CRIM1: variants seen among roughly 807,000 people sequenced by gnomAD.
The protein encoded by CRIM1 is cysteine-rich motor neuron 1 protein.
In CRIM1, 32 loss-of-function variants were observed where a neutral mutation model predicts 116.4. That is an observed-to-expected ratio of 0.27 (90% CI 0.21 to 0.37). The LOEUF is 0.37. Among genes scored for constraint, CRIM1 ranks in the 10% least tolerant of loss-of-function variants. CRIM1 has a pLI of 1.00. For synonymous variants in CRIM1, 590 were observed against 509.2 expected, an observed-to-expected ratio of 1.16 and a Z score of -2.13; for missense variants, 1,331 against 1,354.8, an observed-to-expected ratio of 0.98 and a Z score of 0.28.
At chr2:36,533,068 C>T (rs928037010) in intron 13 of CRIM1, among the ~76,000 whole-genome samples, 1 of 152,216 alleles carries the variant, frequency 6.6e-6, no homozygotes, top group Admixed American at 6.5e-5. Context: ...CTACATCCCT[C>T]TTCAGGCTGA....
chr2:36,541,713 C>T (rs929116008), intron 14 of CRIM1, among the ~76,000 whole-genome samples: 13 of 152,166 alleles, frequency 8.5e-5, no homozygotes, highest in Admixed American at 7.2e-4. Flanking sequence ...AGCACAGGAG[C>T]GATTGTGACC....
intron 5 of CRIM1, among the ~76,000 whole-genome samples, chr2:36,470,850 A>G (rs1678448388): frequency 6.6e-6 from 1 of 152,150 alleles, no homozygotes; most frequent in Non-Finnish European, 1.5e-5. Flanking sequence ...ATCAGAACTA[A>G]ATCAATTGAA....
chr2:36,398,357 T>A (rs1426545959), intron 2 of CRIM1, among the ~76,000 whole-genome samples: 1 of 152,152 alleles, frequency 6.6e-6, no homozygotes, highest in Non-Finnish European at 1.5e-5. Context: ...TGCAGCAGAT[T>A]TTGAATCTAA....
chr2:36,426,487 T>G (rs1415262008), intron 2 of CRIM1, among the ~76,000 whole-genome samples: 1 of 152,190 alleles, frequency 6.6e-6, no homozygotes, highest in African/African-American at 2.4e-5. Context: ...GCTATAGGAT[T>G]CCCTTAGCCT....
At chr2:36,476,460 C>T (rs947421210) in intron 5 of CRIM1, among the ~76,000 whole-genome samples, 2 of 152,140 alleles carry the variant, frequency 1.3e-5, no homozygotes, top group African/African-American at 4.8e-5. Context: ...GGGAACAGAA[C>T]ATCACCACTT....
intron 7 of CRIM1, among the ~76,000 whole-genome samples, chr2:36,485,131 T>C (rs1423712570): frequency 1.3e-5 from 2 of 152,220 alleles, no homozygotes; most frequent in East Asian, 3.8e-4. Flanking sequence ...GACTTAACTC[T>C]TGAAGTAGAG....
intron 13 of CRIM1, chr2:36,531,840 G>A (rs1461730133): frequency 6.5e-6 from 3 of 464,504 alleles, no homozygotes; most frequent in East Asian, 1.4e-4. Flanking sequence ...AATCATATGT[G>A]ATGCAAGATA....
chr2:36,357,540 C>T (rs1668934363), intron 1 of CRIM1, among the ~76,000 whole-genome samples: 2 of 152,130 alleles, frequency 1.3e-5, no homozygotes. Context: ...TGGCTTTAAT[C>T]CCTGCCCGCT....
intron 13 of CRIM1, among the ~76,000 whole-genome samples, chr2:36,530,663 A>C (rs2125149832): frequency 6.6e-6 from 1 of 152,304 alleles, no homozygotes; most frequent in African/African-American, 2.4e-5. Flanking sequence ...TGTCATTGGT[A>C]ATACTTGGCT....
chr2:36,386,896 A>G (rs1671206816), intron 1 of CRIM1, among the ~76,000 whole-genome samples: 1 of 152,204 alleles, frequency 6.6e-6, no homozygotes, highest in Non-Finnish European at 1.5e-5. Context: ...CTTTCTAGGC[A>G]GAGAGAACAG....
rs1282189539 is a variant in CRIM1 at position 36,356,382 on chromosome 2, C to T, written c.90C>T (p.Ser30=). ...LLGLLLLLAR[S]GTRALVCLPC... ...GGCTGCTGCTGCTGCTGGCGCGCTC[C>T]GGCACCCGGGCGCTGGTCTGCCTGC... is the stretch of plus-strand genomic sequence containing the variant. The change falls in exon 1 of 17, where the codon TCC becomes TCT. Residue 30 remains serine, a synonymous_variant. Coordinates refer to ENST00000280527, the MANE Select transcript of CRIM1 (RefSeq NM_016441.3). This position sits in a 1 kb window ranked among gnomAD's most constrained non-coding sequence, Gnocchi z 4.3. 4.4e-6 allele frequency: 7 copies of T among 1,598,058 alleles called. No homozygotes were observed. The East Asian group carries it at 9.0e-5, about 21-fold the overall frequency.
At chr2:36,390,844 C>T (rs1012553116) in intron 1 of CRIM1, among the ~76,000 whole-genome samples, 1 of 152,104 alleles carries the variant, frequency 6.6e-6, no homozygotes, top group East Asian at 1.9e-4. Context: ...GAGTCTTGCT[C>T]TGTCGCCCAG....
chr2:36,477,858 G>A (rs562725532), intron 6 of CRIM1, among the ~76,000 whole-genome samples: 2 of 152,338 alleles, frequency 1.3e-5, no homozygotes, highest in Non-Finnish European at 1.5e-5. Context: ...TCACTTGCCT[G>A]TAAAGTCACT....
chr2:36,469,794 T>A (rs1463743479), intron 5 of CRIM1, among the ~76,000 whole-genome samples: 8 of 152,186 alleles, frequency 5.3e-5, no homozygotes, highest in African/African-American at 1.4e-4. Flanking sequence ...ACTCAGTATG[T>A]GTTTATTGAG....
chr2:36,374,940 G>A (rs913942007), intron 1 of CRIM1, among the ~76,000 whole-genome samples: 4 of 151,330 alleles, frequency 2.6e-5, no homozygotes, highest in African/African-American at 7.3e-5. Context: ...GTTAACTAAC[G>A]ATTTGTAGGT....
intron 7 of CRIM1, among the ~76,000 whole-genome samples, chr2:36,495,657 TTTAA>T (rs1680538151): frequency 1.3e-5 from 2 of 152,026 alleles, no homozygotes; most frequent in Admixed American, 6.6e-5. Context: ...TTTGAAATGC[TTTAA>T]TTGAGAACAG....
At chr2:36,464,830 T>C (rs904245423) in intron 5 of CRIM1, among the ~76,000 whole-genome samples, 175 bp downstream of exon 5, 1 of 152,140 alleles carries the variant, frequency 6.6e-6, no homozygotes, top group Non-Finnish European at 1.5e-5. Context: ...AAAGTTAGGT[T>C]AGGAACTATC....
At chr2:36,362,799 T>G (rs1378232723) in intron 1 of CRIM1, among the ~76,000 whole-genome samples, 1 of 152,164 alleles carries the variant, frequency 6.6e-6, no homozygotes, top group Non-Finnish European at 1.5e-5. Flanking sequence ...CTATTTTCCT[T>G]TGTTAGTTGC....
At chr2:36,421,842 C>T (rs961716358) in intron 2 of CRIM1, among the ~76,000 whole-genome samples, 2 of 151,452 alleles carry the variant, frequency 1.3e-5, no homozygotes, top group Admixed American at 6.6e-5. Flanking sequence ...TTTTAATTGC[C>T]TTCAGTGTTT....
Sources: allele counts gnomAD v4.1 joint callset (sites outside exome capture counted in the v4.1 genomes callset), GRCh38; gene constraint gnomAD v4.1.1; non-coding constraint Gnocchi (gnomAD v3.1); transcripts MANE v1.5; gene names NCBI Gene and HGNC (gene_info 2026-07-23, HGNC 2026-07-21).